The following MSRA variants were observed in gnomAD, a reference collection of about 807,000 sequenced individuals.
The protein encoded by MSRA is mitochondrial peptide methionine sulfoxide reductase.
Under a neutral mutation model 31.3 loss-of-function variants are expected in MSRA, and 54 were observed. That is an observed-to-expected ratio of 1.73 (90% CI 1.39 to 2.17). The LOEUF is 2.17. Among genes scored for constraint, MSRA ranks in the 30% most tolerant of loss-of-function variants. The probability of loss-of-function intolerance (pLI) is 0.00; values close to 1 mark genes in which losing one functional copy is unlikely to be tolerated. For synonymous variants in MSRA, 169 were observed against 116.5 expected, an observed-to-expected ratio of 1.45 and a Z score of -2.90; for missense variants, 507 against 300.9, an observed-to-expected ratio of 1.69 and a Z score of -5.07.
intron 2 of MSRA, among the ~76,000 whole-genome samples, chr8:10,215,548 C>T (rs574636037): frequency 1.3e-5 from 2 of 152,174 alleles, no homozygotes; most frequent in Non-Finnish European, 2.9e-5. Context: ...CATCACCTCT[C>T]CTTCATAACA....
At chr8:10,321,027 A>G (rs6601437) in intron 5 of MSRA, among the ~76,000 whole-genome samples, 149,544 of 152,326 alleles carry the variant, frequency 0.98, 73,465 homozygotes, top group East Asian at 1. Flanking sequence ...GATTCAACCC[A>G]TAACACTTTC....
At chr8:10,199,363 A>G (rs762787907) in intron 1 of MSRA, among the ~76,000 whole-genome samples, 1 of 152,156 alleles carries the variant, frequency 6.6e-6, no homozygotes, top group Non-Finnish European at 1.5e-5. Flanking sequence ...CTCTGTTGCC[A>G]GGCTGGACTG....
rs574144252 is a variant in MSRA at position 10,194,689 on chromosome 8, A to G, written c.143-13144A>G. On this transcript the variant is annotated intron_variant, in intron 1 of 5. Transcript: ENST00000317173. ...ACTTGGAATTTTAAAGCTGGGTTGCAGTTTTTCTACCATATGATACAAATG... is the reference window on the plus strand; with the variant it reads ...ACTTGGAATTTTAAAGCTGGGTTGCGGTTTTTCTACCATATGATACAAATG... Among the ~76,000 whole-genome samples, 23 of 152,318 alleles carry G rather than the reference A, an allele frequency of 1.5e-4. No individual in the cohort carries two copies. In the South Asian group the frequency reaches 4.4e-3, roughly 29 times the overall value.
At chr8:10,060,895 G>A (rs961337593) in intron 1 of MSRA, among the ~76,000 whole-genome samples, 1 of 152,164 alleles carries the variant, frequency 6.6e-6, no homozygotes, top group Non-Finnish European at 1.5e-5. Flanking sequence ...AAGGCATTAT[G>A]TGTATTTCTT....
At chr8:10,239,106 G>T (rs1812189849) in intron 2 of MSRA, among the ~76,000 whole-genome samples, 1 of 152,086 alleles carries the variant, frequency 6.6e-6, no homozygotes, top group South Asian at 2.1e-4. Flanking sequence ...TACGTGAGTG[G>T]CCCATATACT....
intron 3 of MSRA, among the ~76,000 whole-genome samples, chr8:10,301,140 T>C (rs572990131): frequency 7.9e-5 from 12 of 152,278 alleles, no homozygotes; most frequent in African/African-American, 1.7e-4. Context: ...TCACTACATA[T>C]AGCATGGAGT....
chr8:10,178,461 A>G (rs374357006), intron 1 of MSRA, among the ~76,000 whole-genome samples: 3 of 152,308 alleles, frequency 2.0e-5, no homozygotes, highest in East Asian at 3.9e-4. Flanking sequence ...CAAAAACACA[A>G]TAACATTCCA....
At chr8:10,378,285 G>T (rs1805864703) in intron 5 of MSRA, among the ~76,000 whole-genome samples, 1 of 152,148 alleles carries the variant, frequency 6.6e-6, no homozygotes, top group African/African-American at 2.4e-5. Context: ...GTTCCTTCTG[G>T]ATTCTAAGGG....
At position 10,356,887 on chromosome 8, in the gene MSRA, A is replaced by G. The variant is rs1248478993; in HGVS notation, c.543+36898A>G. Among the ~76,000 whole-genome samples, 25 of 120,648 alleles carry G rather than the reference A, an allele frequency of 2.1e-4. No individual in the cohort carries two copies. In the East Asian group the frequency reaches 3.0e-3, roughly 14 times the overall value. 79.1% of individuals were successfully genotyped at this position (120,648 alleles called of 152,430 possible). ...TTGCTGCTGTTTTTGAGCCTTGCCC[A>G]TTAAAAAAAAAAAAAAAAAAAAATA... On this transcript the variant is annotated intron_variant, in intron 5 of 5. Transcript: ENST00000317173.
At chr8:10,209,342 T>C (rs769468444) in intron 2 of MSRA, among the ~76,000 whole-genome samples, 6 of 152,222 alleles carry the variant, frequency 3.9e-5, no homozygotes, top group Non-Finnish European at 8.8e-5. Context: ...CTAAGTCTTA[T>C]GTCATATTGG....
At chr8:10,355,017 C>G (rs1804426125) in intron 5 of MSRA, among the ~76,000 whole-genome samples, 1 of 152,158 alleles carries the variant, frequency 6.6e-6, no homozygotes, top group Admixed American at 6.5e-5. Flanking sequence ...CATGTGCAAA[C>G]TTTATGGCTT....
chr8:10,405,246 G>T (rs1468624254), intron 5 of MSRA, among the ~76,000 whole-genome samples: 1 of 152,072 alleles, frequency 6.6e-6, no homozygotes, highest in Non-Finnish European at 1.5e-5. Flanking sequence ...TGCCTAGGTG[G>T]GGAGCTGCAG....
At chr8:10,413,190 C>T (rs1355099845) in intron 5 of MSRA, among the ~76,000 whole-genome samples, 1 of 152,156 alleles carries the variant, frequency 6.6e-6, no homozygotes, top group African/African-American at 2.4e-5. Flanking sequence ...AAGAGAAGGC[C>T]GAGTGGAGAA....
intron 1 of MSRA, among the ~76,000 whole-genome samples, chr8:10,060,497 CT>C (rs774132123): frequency 6.6e-6 from 1 of 152,180 alleles, no homozygotes; most frequent in African/African-American, 2.4e-5. Context: ...AAGACATAGA[CT>C]TTTGATGCTT....
intron 1 of MSRA, among the ~76,000 whole-genome samples, chr8:10,157,011 TACC>T (rs1585052724): frequency 6.6e-6 from 1 of 151,790 alleles, no homozygotes; most frequent in African/African-American, 2.4e-5. Context: ...ATCCCCACAT[TACC>T]AGGAGGAGAC....
intron 3 of MSRA, among the ~76,000 whole-genome samples, chr8:10,289,490 C>T (rs1053063151): frequency 2.0e-5 from 3 of 152,074 alleles, no homozygotes; most frequent in Non-Finnish European, 4.4e-5. Flanking sequence ...TGCATCCCCT[C>T]GAGCATTTAT....
At chr8:10,056,052 C>A (rs1802343550) in intron 1 of MSRA, among the ~76,000 whole-genome samples, 1 of 151,828 alleles carries the variant, frequency 6.6e-6, no homozygotes, top group Middle Eastern at 3.2e-3. Context: ...CTTATAAATG[C>A]ATCTTAAAAT....
chr8:10,298,038 A>T (rs1800636903), intron 3 of MSRA, among the ~76,000 whole-genome samples: 1 of 152,084 alleles, frequency 6.6e-6, no homozygotes, highest in Non-Finnish European at 1.5e-5. Flanking sequence ...CCCGGTTGAA[A>T]CCTGGTTCGC....
intron 1 of MSRA, among the ~76,000 whole-genome samples, chr8:10,103,682 T>C (rs1423566869): frequency 2.0e-5 from 3 of 152,204 alleles, no homozygotes; most frequent in Admixed American, 6.5e-5. Flanking sequence ...TTCAGCTGTT[T>C]ATTCCAATAG....
Sources: allele counts gnomAD v4.1 joint callset (sites outside exome capture counted in the v4.1 genomes callset), GRCh38; gene constraint gnomAD v4.1.1; transcripts MANE v1.5; gene names NCBI Gene and HGNC (gene_info 2026-07-23, HGNC 2026-07-21).